OTOF: variants seen among roughly 807,000 people sequenced by gnomAD.
OTOF encodes the protein otoferlin, also known as fer-1-like family member 2.
In OTOF, 218 loss-of-function variants were observed where a neutral mutation model predicts 236.8. The ratio of observed to expected loss-of-function variants is 0.92; its 90% CI spans 0.82 to 1.03. OTOF has a LOEUF of 1.03. Among genes scored for constraint, OTOF ranks in the 50% least tolerant of loss-of-function variants. The probability of loss-of-function intolerance (pLI) is 0.00; values close to 1 mark genes in which losing one functional copy is unlikely to be tolerated. For missense variants in OTOF, 2,590 were observed against 2,694.4 expected, an observed-to-expected ratio of 0.96 and a Z score of 0.86; for synonymous variants, 1,041 against 1,072.5, an observed-to-expected ratio of 0.97 and a Z score of 0.57.
chr2:26,478,897 C>G (rs538068809), intron 18 of OTOF, among the ~76,000 whole-genome samples: 1 of 152,342 alleles, frequency 6.6e-6, no homozygotes, highest in East Asian at 1.9e-4. Flanking sequence ...CGGCATTTCA[C>G]TATGTTGGCC....
intron 3 of OTOF, among the ~76,000 whole-genome samples, chr2:26,522,716 G>T (rs569192837): frequency 6.6e-6 from 1 of 152,308 alleles, no homozygotes; most frequent in Non-Finnish European, 1.5e-5. Flanking sequence ...CACTGGCCCG[G>T]GTGTCAGGAG....
At chr2:26,481,658 G>T in intron 14 of OTOF, among the ~76,000 whole-genome samples, 1 of 152,102 alleles carries the variant, frequency 6.6e-6, no homozygotes, top group East Asian at 1.9e-4. Flanking sequence ...CATTTCAGTG[G>T]TTTTTCGTAT....
At chr2:26,459,814 CT>C (rs1447050263) in intron 46 of OTOF, among the ~76,000 whole-genome samples, 193 bp downstream of exon 46, 1 of 152,102 alleles carries the variant, frequency 6.6e-6, no homozygotes, top group African/African-American at 2.4e-5. Flanking sequence ...TTTGTGTGGG[CT>C]TAAGTGTGTG....
At position 26,536,420 on chromosome 2, in the gene OTOF, A is replaced by G. The variant is rs369831658; in HGVS notation, c.138+1296T>C. Among the ~76,000 whole-genome samples the G allele has an allele frequency of 2.0e-5, 3 of 151,992 alleles. No homozygotes were observed. The East Asian group carries it at 5.8e-4, about 29-fold the overall frequency. On this transcript the variant is annotated intron_variant, in intron 2 of 46. Coordinates refer to ENST00000272371, the MANE Select transcript of OTOF (RefSeq NM_194248.3). Reference sequence around the variant, plus strand: ...TCACCTGTCCTGCATAGCAGTGGGGACGTACCAGGGAGGTCGTGGCAACTG... The same window carrying G: ...TCACCTGTCCTGCATAGCAGTGGGGGCGTACCAGGGAGGTCGTGGCAACTG...
intron 5 of OTOF, among the ~76,000 whole-genome samples, chr2:26,507,304 C>T (rs1558505033): frequency 1.3e-5 from 2 of 152,172 alleles, no homozygotes; most frequent in African/African-American, 4.8e-5. Context: ...TCATCACTGC[C>T]ACTAGCCTTT....
intron 7 of OTOF, 51 bp downstream of exon 7, chr2:26,502,249 C>G: frequency 6.2e-7 from 1 of 1,608,556 alleles, no homozygotes; most frequent in South Asian, 1.1e-5. Context: ...AAGCCAGGTC[C>G]TGCCTGACAG....
intron 6 of OTOF, among the ~76,000 whole-genome samples, chr2:26,502,967 CAT>C (rs1214667550): frequency 2.6e-5 from 4 of 152,230 alleles, no homozygotes; most frequent in African/African-American, 9.6e-5. Context: ...GAGATGCAGA[CAT>C]GTGGATTCCG....
intron 1 of OTOF, among the ~76,000 whole-genome samples, chr2:26,549,683 T>G (rs1326507350): frequency 1.3e-5 from 2 of 152,226 alleles, no homozygotes; most frequent in Non-Finnish European, 2.9e-5. Context: ...AAACTTAGGC[T>G]TGGGTCAGGG....
At position 26,510,638 on chromosome 2, in the gene OTOF, C is replaced by A. The variant is rs1487321223; in HGVS notation, c.509+5780G>T. The A allele has an allele frequency of 4.7e-6, 5 of 1,063,816 alleles. No homozygotes were observed. In the East Asian group the frequency reaches 2.9e-4, roughly 62 times the overall value. 65.9% of individuals were successfully genotyped at this position (1,063,816 alleles called of 1,614,324 possible). On this transcript the variant is annotated intron_variant, in intron 5 of 46. Coordinates refer to ENST00000272371, the MANE Select transcript of OTOF (RefSeq NM_194248.3). ...GCCGAGCCCATCCCGCCCTCCACAG[C>A]CTGTGGGGAGGAGGCCTCTGTCTCC...
chr2:26,527,809 C>T, intron 3 of OTOF, 23 bp downstream of exon 3: 1 of 1,564,660 alleles, frequency 6.4e-7, no homozygotes, highest in South Asian at 1.1e-5. Context: ...GGCCCAGCCC[C>T]TCCTGCCCCA....
chr2:26,517,964 T>C (rs1666577626), intron 4 of OTOF, among the ~76,000 whole-genome samples: 1 of 152,200 alleles, frequency 6.6e-6, no homozygotes, highest in Non-Finnish European at 1.5e-5. Context: ...CCCATGGGTG[T>C]CCATACATAG....
Position 26,545,837 on chromosome 2 carries a change from G to A in OTOF, c.80-8063C>T, listed in dbSNP as rs567181476. On this transcript the variant is annotated intron_variant, in intron 1 of 46. Coordinates refer to ENST00000272371, the MANE Select transcript of OTOF (RefSeq NM_194248.3). Reference sequence around the variant, plus strand: ...TTTATATGTACAGAGTTTATTTCTGGACACTATTCTGCTCCATTGGTCTAT... The same window carrying A: ...TTTATATGTACAGAGTTTATTTCTGAACACTATTCTGCTCCATTGGTCTAT... Among the ~76,000 whole-genome samples the A allele has an allele frequency of 2.0e-5, 3 of 152,178 alleles. No individual in the cohort carries two copies. In the South Asian group the frequency reaches 6.2e-4, roughly 32 times the overall value.
At chr2:26,459,281 G>T (rs62127666) in intron 46 of OTOF, among the ~76,000 whole-genome samples, 1 of 152,144 alleles carries the variant, frequency 6.6e-6, no homozygotes, top group Non-Finnish European at 1.5e-5. Flanking sequence ...GGCTGGGCGC[G>T]GTGGCTCACG....
intron 4 of OTOF, among the ~76,000 whole-genome samples, chr2:26,517,008 C>T (rs754907348): frequency 6.6e-6 from 1 of 152,172 alleles, no homozygotes; most frequent in African/African-American, 2.4e-5. Flanking sequence ...AGGCATGAGG[C>T]GCGGCCCGCC....
chr2:26,481,715 C>T (rs144614169), intron 14 of OTOF, among the ~76,000 whole-genome samples: 1 of 152,128 alleles, frequency 6.6e-6, no homozygotes, highest in South Asian at 2.1e-4. Flanking sequence ...CAGTTCCACC[C>T]CCTCAAAAGA....
At chr2:26,503,944 A>G in intron 5 of OTOF, 99 bp from the exon 6 acceptor site, 1 of 1,064,502 alleles carries the variant, frequency 9.4e-7, no homozygotes, top group Non-Finnish European at 1.5e-6. Flanking sequence ...ACATCAGAGA[A>G]GGGAGATGGA....
intron 1 of OTOF, among the ~76,000 whole-genome samples, chr2:26,539,002 G>C (rs1001806108): frequency 6.6e-6 from 1 of 151,894 alleles, no homozygotes; most frequent in Non-Finnish European, 1.5e-5. Flanking sequence ...TAGTAGAGAC[G>C]GGGTTTCACC....
At chr2:26,489,357 A>T in intron 10 of OTOF, 62 bp from the exon 11 acceptor site, 1 of 1,307,568 alleles carries the variant, frequency 7.6e-7, no homozygotes, top group Non-Finnish European at 1.1e-6. Context: ...TCCATGGGGC[A>T]GTGGTGGGAC....
chr2:26,463,444 G>T (rs1387599985), intron 41 of OTOF, 39 bp downstream of exon 41: 36 of 1,492,786 alleles, frequency 2.4e-5, no homozygotes, highest in Non-Finnish European at 3.1e-5. Flanking sequence ...TGGGTGGGGT[G>T]GGCCGGAAGG....
Sources: allele counts gnomAD v4.1 joint callset (sites outside exome capture counted in the v4.1 genomes callset), GRCh38; gene constraint gnomAD v4.1.1; transcripts MANE v1.5; gene names NCBI Gene and HGNC (gene_info 2026-07-23, HGNC 2026-07-21).